AGTRAP: variants seen among roughly 807,000 people sequenced by gnomAD.
AGTRAP encodes the protein angiotensin II receptor associated protein.
Under a neutral mutation model 15.2 loss-of-function variants are expected in AGTRAP, and 7 were observed. The ratio of observed to expected loss-of-function variants is 0.46; its 90% CI spans 0.26 to 0.87. The LOEUF (loss-of-function observed/expected upper bound fraction) is 0.87, where lower values mean the gene tolerates loss of function less well. Among genes scored for constraint, AGTRAP ranks in the 40% least tolerant of loss-of-function variants. The probability of loss-of-function intolerance (pLI) is 0.15; values close to 1 mark genes in which losing one functional copy is unlikely to be tolerated. For missense variants in AGTRAP, 187 were observed against 213.4 expected (o/e 0.88, Z 0.77); for synonymous variants, 74 against 89.6 (o/e 0.83, Z 0.98).
At chr1:11,739,476 C>A (rs1280618311) in intron 1 of AGTRAP, among the ~76,000 whole-genome samples, 3 of 152,094 alleles carry the variant, frequency 2.0e-5, no homozygotes, top group African/African-American at 7.2e-5. Flanking sequence ...CACTTGAACA[C>A]GGGAGGCAGA....
chr1:11,737,738 CT>C (rs979515580), intron 1 of AGTRAP, among the ~76,000 whole-genome samples: 4 of 151,988 alleles, frequency 2.6e-5, no homozygotes, highest in Non-Finnish European at 5.9e-5. Context: ...CTCTTTGGGG[CT>C]TTTTTTGAGC....
chr1:11,738,331 A>C (rs1374683227), intron 1 of AGTRAP, among the ~76,000 whole-genome samples: 1 of 152,142 alleles, frequency 6.6e-6, no homozygotes, highest in Non-Finnish European at 1.5e-5. Flanking sequence ...CCTTTGCACA[A>C]AGGGCAGCTC....
At chr1:11,748,679 C>G in intron 4 of AGTRAP, 69 bp downstream of exon 4, 1 of 1,531,602 alleles carries the variant, frequency 6.5e-7, no homozygotes. Flanking sequence ...CCAGCCTCTC[C>G]CTCAGTGAGC....
rs1641954947 is a variant in AGTRAP at position 11,738,626 on chromosome 1, C to T, written c.27+2391C>T. ...CTGGATCCACACAACAACACTGAAT[C>T]AGGCAGTATTGCCCTTCTTTGCAGA... is the stretch of plus-strand genomic sequence containing the variant. On this transcript the variant is annotated intron_variant, in intron 1 of 4. Coordinates refer to ENST00000314340, the MANE Select transcript of AGTRAP (RefSeq NM_020350.5). 2.6e-5 allele frequency among the ~76,000 whole-genome samples: 4 copies of T among 152,364 alleles called. No homozygotes were observed. In the South Asian group the frequency reaches 8.3e-4, roughly 32 times the overall value.
intron 2 of AGTRAP, among the ~76,000 whole-genome samples, chr1:11,747,162 C>T (rs564097957): frequency 6.6e-6 from 1 of 152,234 alleles, no homozygotes; most frequent in Admixed American, 6.5e-5. Flanking sequence ...ACTACGTTAC[C>T]GGTTGCTGTT....
chr1:11,747,677 G>C, intron 3 of AGTRAP, 132 bp downstream of exon 3: 1 of 952,774 alleles, frequency 1.0e-6, no homozygotes, highest in South Asian at 1.5e-5. Flanking sequence ...ATTGTCTAAA[G>C]CCTGTTCATC....
chr1:11,744,512 T>C, intron 1 of AGTRAP: 1 of 714,950 alleles, frequency 1.4e-6, no homozygotes, highest in Non-Finnish European at 2.6e-6. Flanking sequence ...CAACAGCTGC[T>C]TTCCCCTCTG....
At chr1:11,741,381 C>A (rs1448855939) in intron 1 of AGTRAP, among the ~76,000 whole-genome samples, 2 of 152,230 alleles carry the variant, frequency 1.3e-5, no homozygotes, top group African/African-American at 4.8e-5. Context: ...GGCAGAGTAC[C>A]TGGTTAGCGA....
At chr1:11,738,222 G>A (rs887389953) in intron 1 of AGTRAP, among the ~76,000 whole-genome samples, 5 of 152,072 alleles carry the variant, frequency 3.3e-5, no homozygotes, top group African/African-American at 4.8e-5. Flanking sequence ...CCACTCCCTC[G>A]TTTTGTATAT....
At position 11,737,152 on chromosome 1, in the gene AGTRAP, A is replaced by G. The variant is rs556550925; in HGVS notation, c.27+917A>G. On this transcript the variant is annotated intron_variant, in intron 1 of 4. Transcript: ENST00000314340. ...GATGGTTACAAAACAATGGCTTAAT[A>G]CACTTTATTATTACACAACATCTGT... Among the ~76,000 whole-genome samples the G allele has an allele frequency of 2.6e-5, 4 of 152,338 alleles. No individual in the cohort carries two copies. In the South Asian group the frequency reaches 8.3e-4, roughly 32 times the overall value.
chr1:11,748,122 C>T (rs1642215399), intron 3 of AGTRAP, among the ~76,000 whole-genome samples: 1 of 152,210 alleles, frequency 6.6e-6, no homozygotes, highest in African/African-American at 2.4e-5. Flanking sequence ...GAACCTTCCT[C>T]TATGGAGGTT....
intron 1 of AGTRAP, among the ~76,000 whole-genome samples, chr1:11,738,068 G>A (rs1641943272): frequency 6.6e-6 from 1 of 152,166 alleles, no homozygotes; most frequent in South Asian, 2.1e-4. Context: ...AAATTAACTG[G>A]GTGTTCTGTA....
At chr1:11,743,021 A>G (rs1383712182) in intron 1 of AGTRAP, among the ~76,000 whole-genome samples, 1 of 152,112 alleles carries the variant, frequency 6.6e-6, no homozygotes, top group African/African-American at 2.4e-5. Flanking sequence ...ATTGACCACC[A>G]GGCCCGTTGA....
At chr1:11,748,947 G>A (rs144158918) in intron 4 of AGTRAP, among the ~76,000 whole-genome samples, 11 of 152,240 alleles carry the variant, frequency 7.2e-5, no homozygotes, top group Admixed American at 3.9e-4. Flanking sequence ...TGAGGGCCAC[G>A]GGCACCTACA....
Position 11,740,433 on chromosome 1 carries a change from T to G in AGTRAP, c.27+4198T>G, listed in dbSNP as rs150936308. On this transcript the variant is annotated intron_variant, in intron 1 of 4. Transcript: ENST00000314340. Reference sequence around the variant, plus strand: ...TAAGAGGAGCAACTGGTGCTAACTTTGTTCATATTTATCAAACCAAAGTGA... The same window carrying G: ...TAAGAGGAGCAACTGGTGCTAACTTGGTTCATATTTATCAAACCAAAGTGA... 2.4e-3 allele frequency among the ~76,000 whole-genome samples: 365 copies of G among 152,340 alleles called. 3 individuals are homozygous for G. The highest frequency in any genetic ancestry group is 7.9e-3 in the African/African-American group (327 of 41,576).
In AGTRAP at chr1:11,739,414, G is replaced by T. The variant is rs567578709; in HGVS notation, c.27+3179G>T. Among the ~76,000 whole-genome samples the T allele has an allele frequency of 4.2e-4, 64 of 152,244 alleles. 3 individuals carry two copies. In the South Asian group the frequency reaches 0.012, roughly 29 times the overall value. ...AAAAATACAAAAATTAGCTGGGTGT[G>T]GTGGTGCTCGCCTGTAGTCCCAGCT... On this transcript the variant is annotated intron_variant, in intron 1 of 4. Coordinates refer to ENST00000314340, the MANE Select transcript of AGTRAP (RefSeq NM_020350.5).
chr1:11,750,546 C>T lies in AGTRAP; in HGVS notation c.*354C>T, dbSNP rs1304256365. 1.5e-5 allele frequency: 8 copies of T among 525,818 alleles called. No individual in the cohort carries two copies. The highest frequency in any genetic ancestry group is 2.4e-5 in the Non-Finnish European group (7 of 294,530). 32.6% of individuals were successfully genotyped at this position (525,818 alleles called of 1,614,324 possible). A position where few individuals can be genotyped will look rare whatever the true frequency, so the allele number is the denominator to read the frequency against. ...GGACTGCTGATGCCCCCTCAGGCCT[C>T]CCCCAAGTTTGCTGGGCTTTGGTGG... On this transcript the variant is annotated 3_prime_UTR_variant, in exon 5 of 5. Coordinates refer to ENST00000314340, the MANE Select transcript of AGTRAP (RefSeq NM_020350.5).
rs1470025825 is a variant in AGTRAP at position 11,750,267 on chromosome 1, C to G, written c.*75C>G. 1 of 1,225,974 alleles carries G rather than the reference C, an allele frequency of 8.2e-7. No individual in the cohort carries two copies. Among genetic ancestry groups the G allele is most frequent in the East Asian group, 2.4e-5 (1 of 41,344 alleles). The allele number at this position is 1,225,974 out of a possible 1,614,324, so 75.9% of individuals were successfully genotyped here. On this transcript the variant is annotated 3_prime_UTR_variant, in exon 5 of 5. Coordinates refer to ENST00000314340, the MANE Select transcript of AGTRAP (RefSeq NM_020350.5). ...GAGGTCGTTCTAGGGATGCTCCTGA[C>G]CTCCGTCTCTTGGACCTAAGATGGA...
chr1:11,744,671 G>C (rs1411129756), intron 1 of AGTRAP: 2 of 666,418 alleles, frequency 3.0e-6, no homozygotes, highest in Admixed American at 2.3e-5. Flanking sequence ...TACAGGAAAG[G>C]GGTCCCAATC....
Sources: allele counts gnomAD v4.1 joint callset (sites outside exome capture counted in the v4.1 genomes callset), GRCh38; gene constraint gnomAD v4.1.1; transcripts MANE v1.5; gene names NCBI Gene and HGNC (gene_info 2026-07-23, HGNC 2026-07-21).